Variants in TYMP observed in about 807,000 individuals in gnomAD.
TYMP encodes the protein gliostatin.
In TYMP, 46 loss-of-function variants were observed where a neutral mutation model predicts 42.3. The ratio of observed to expected loss-of-function variants is 1.09; its 90% CI spans 0.86 to 1.39. The LOEUF is 1.39. Ranked by LOEUF, TYMP falls within the 40% of genes most tolerant of loss-of-function variation. The pLI, the probability that TYMP is intolerant of heterozygous loss-of-function variation, is 0.00. For synonymous variants in TYMP, 363 were observed against 308.0 expected (o/e 1.18, Z -1.87); for missense variants, 837 against 677.6 (o/e 1.24, Z -2.61).
In TYMP at chr22:50,526,742, C is replaced by G; in HGVS notation, c.766-4G>C. On this transcript the variant is annotated splice_polypyrimidine_tract_variant and splice_region_variant and intron_variant, in intron 6 of 9. Coordinates refer to ENST00000252029, the MANE Select transcript of TYMP (RefSeq NM_001953.5). ...CTAGGCTGGCTCCCACGCCAACCTG[C>G]GGAGAGGAGGCTCAGCGTGGACCCC... is the stretch of plus-strand genomic sequence containing the variant. 1 of 1,535,104 alleles carries G rather than the reference C, an allele frequency of 6.5e-7. No individual in the cohort carries two copies. Among genetic ancestry groups the G allele is most frequent in the Non-Finnish European group, 8.7e-7 (1 of 1,146,254 alleles).
intron 4 of TYMP, 102 bp from the exon 5 acceptor site, chr22:50,527,819 G>C (rs1422367505): frequency 6.7e-7 from 1 of 1,492,192 alleles, no homozygotes; most frequent in African/African-American, 1.4e-5. Context: ...CTGTTGCCCA[G>C]GCTGGAGTGC....
chr22:50,527,537 G>C, intron 5 of TYMP, 51 bp downstream of exon 5: 5 of 1,613,610 alleles, frequency 3.1e-6, no homozygotes, highest in Non-Finnish European at 4.2e-6. Flanking sequence ...ACTTGAGTTT[G>C]GAGGTCAGGA....
rs760529157 is a variant in TYMP at position 50,529,508 on chromosome 22, C to T, written c.202G>A (p.Gly68Ser). ...VAAVVNGSAQ[G>S]AQIGAMLMAI... ...CCTCCCCACGCACCGATCTGTGCGCCCTGCGCGCTCCCATTCACCACAGCG... is the reference window on the plus strand; with the variant it reads ...CCTCCCCACGCACCGATCTGTGCGCTCTGCGCGCTCCCATTCACCACAGCG... The change falls in exon 2 of 10, where the codon GGC becomes AGC. Residue 68 changes from glycine to serine, a missense_variant. Physicochemically the swap from Gly to Ser is moderately conservative, Grantham distance 56. Transcript: ENST00000252029. 13 of 1,612,860 alleles carry T rather than the reference C, an allele frequency of 8.1e-6. No homozygotes were observed. In the Middle Eastern group the frequency reaches 1.3e-3, roughly 164 times the overall value.
intron 6 of TYMP, 93 bp from the exon 7 acceptor site, chr22:50,526,831 G>T: frequency 7.5e-7 from 1 of 1,337,954 alleles, no homozygotes; most frequent in Non-Finnish European, 1.0e-6. Flanking sequence ...ACCCTGGGTT[G>T]CCAGCCCCCC....
At position 50,525,838 on chromosome 22, in the gene TYMP, G is replaced by A. The variant is rs759980987; in HGVS notation, c.1381C>T (p.Leu461Phe). The part of the protein sequence containing the change: ...QSRALQEALV[L>F]SDRAPFAAPS... ...GCGGCGAATGGCGCGCGGTCGGAGA[G>A]TACGAGCGCCTCCTGCAGGGCGCGG... The change falls in exon 10 of 10, where the codon CTC (leucine) becomes TTC (phenylalanine). Residue 461 changes from leucine (L) to phenylalanine (F), a missense_variant. Coordinates refer to ENST00000252029, the MANE Select transcript of TYMP (RefSeq NM_001953.5). 2 of 1,608,266 alleles carry A rather than the reference G, an allele frequency of 1.2e-6. No individual in the cohort carries two copies. Among genetic ancestry groups the A allele is most frequent in the African/African-American group, 2.7e-5 (2 of 74,872 alleles).
At chr22:50,528,668 C>A in intron 3 of TYMP, 58 bp from the exon 4 acceptor site, 1 of 1,333,370 alleles carries the variant, frequency 7.5e-7, no homozygotes, top group Non-Finnish European at 1.1e-6. Flanking sequence ...CTCTGTGCAT[C>A]CCTTCACCTT....
Position 50,526,470 on chromosome 22 carries a change from G to T in TYMP, c.935C>A (p.Ala312Asp). The change falls in exon 8 of 10, where the codon GCC becomes GAC. Residue 312 changes from alanine to aspartate, a missense_variant. Transcript: ENST00000252029. ...CGCGTGTCCGCTGAGCCAGAGCAGG[G>T]CGCCCCCTGCGGGCGGGGACGGGTC... ...LRDLVTTLGGALLWLSGHAGT... is the reference protein window; with the variant it reads ...LRDLVTTLGGDLLWLSGHAGT... 2.7e-6 allele frequency: 4 copies of T among 1,491,286 alleles called. No individual in the cohort carries two copies. Among genetic ancestry groups the T allele is most frequent in the Non-Finnish European group, 3.5e-6 (4 of 1,129,020 alleles). The allele number at this position is 1,491,286 out of a possible 1,614,324, so 92.4% of individuals were successfully genotyped here. A position where few individuals can be genotyped will look rare whatever the true frequency, so the allele number is the denominator to read the frequency against.
chr22:50,527,117 C>T (rs751782980), intron 6 of TYMP, 48 bp downstream of exon 6: 7 of 1,478,228 alleles, frequency 4.7e-6, no homozygotes, highest in South Asian at 4.5e-5. Flanking sequence ...GAAGGGTAGG[C>T]TGGGCCCGCA....
intron 6 of TYMP, among the ~76,000 whole-genome samples, 180 bp from the exon 7 acceptor site, chr22:50,526,918 AACTTGT>A (rs1218106175): frequency 6.6e-6 from 1 of 152,172 alleles, no homozygotes; most frequent in Non-Finnish European, 1.5e-5. Context: ...GGCCAGGAGG[AACTTGT>A]ACTTGGTCTG....
In TYMP at chr22:50,526,296, T is replaced by C. The variant is rs1276418601; in HGVS notation, c.1109A>G (p.Gln370Arg). ...CTGCTCCCGGGCGCGAGGCAGCAGCTGCCGGCGTTCTGCGGGACTTCCCGA... is the reference window on the plus strand; with the variant it reads ...CTGCTCCCGGGCGCGAGGCAGCAGCCGCCGGCGTTCTGCGGGACTTCCCGA... ...LCSGSPAERR[Q>R]LLPRAREQEE... Residue 370 changes from glutamine (Q) to arginine (R), a missense_variant, in exon 8 of 10, where the codon CAG becomes CGG. Physicochemically the swap from Gln to Arg is conservative, Grantham distance 43. Transcript: ENST00000252029. The C allele has an allele frequency of 6.4e-7, 1 of 1,554,910 alleles. No individual in the cohort carries two copies. Among genetic ancestry groups the C allele is most frequent in the Non-Finnish European group, 8.6e-7 (1 of 1,160,914 alleles).
In TYMP at chr22:50,527,184, C is replaced by T. The variant is rs1479566289; in HGVS notation, c.746G>A (p.Arg249Gln). 1.9e-6 allele frequency: 3 copies of T among 1,612,992 alleles called. No individual in the cohort carries two copies. The highest frequency in any genetic ancestry group is 1.3e-5 in the African/African-American group (1 of 74,922). The change falls in exon 6 of 10, where the codon CGG (arginine) becomes CAG (glutamine). Residue 249 changes from arginine to glutamine, a missense_variant. Arg to Gln is a conservative substitution (Grantham distance 43). Coordinates refer to ENST00000252029, the MANE Select transcript of TYMP (RefSeq NM_001953.5). Reference sequence around the variant, plus strand: ...GCTCACCAGCGTCTTTGCCAGCTCCCGGGCCTGCTCCTGGTTGGGGAAGAC... The same window carrying T: ...GCTCACCAGCGTCTTTGCCAGCTCCTGGGCCTGCTCCTGGTTGGGGAAGAC... The part of the protein sequence containing the change: ...AAVFPNQEQA[R>Q]ELAKTLVGVG...
intron 4 of TYMP, chr22:50,527,949 CTTCT>C (rs2069457796): frequency 5.5e-6 from 3 of 542,992 alleles, no homozygotes; most frequent in Admixed American, 3.4e-5. Flanking sequence ...TTTTTTTTTT[CTTCT>C]TTTTTTTGTA....
In TYMP at chr22:50,525,838, G is replaced by C. The variant is rs759980987; in HGVS notation, c.1381C>G (p.Leu461Val). ...GCGGCGAATGGCGCGCGGTCGGAGA[G>C]TACGAGCGCCTCCTGCAGGGCGCGG... ...QSRALQEALV[L>V]SDRAPFAAPS... The change falls in exon 10 of 10, where the codon CTC becomes GTC. Residue 461 changes from leucine to valine, a missense_variant. Physicochemically the swap from Leu to Val is conservative, Grantham distance 32. Coordinates refer to ENST00000252029, the MANE Select transcript of TYMP (RefSeq NM_001953.5). 1.6e-5 allele frequency: 25 copies of C among 1,608,266 alleles called. No homozygotes were observed. The East Asian group carries it at 4.7e-4, about 30-fold the overall frequency.
At position 50,529,705 on chromosome 22, in the gene TYMP, G is replaced by T; in HGVS notation, c.5C>A (p.Ala2Glu). 6.2e-7 allele frequency: 1 copy of T among 1,609,978 alleles called. No individual in the cohort carries two copies. Residue 2 changes from alanine to glutamate, a missense_variant, in exon 2 of 10, where the codon GCA (alanine) becomes GAA (glutamate). By Grantham distance (107) the Ala-to-Glu change is moderately radical. Coordinates refer to ENST00000252029, the MANE Select transcript of TYMP (RefSeq NM_001953.5). M[A>E]ALMTPGTGAP... ...CCCGGTTCCCGGGGTCATCAAGGCT[G>T]CCATCGCTCCGGGCCTGCGGGGATG...
At position 50,525,902 on chromosome 22, in the gene TYMP, G is replaced by A. The variant is rs1484045339; in HGVS notation, c.1317C>T (p.Arg439=). 1 of 1,554,320 alleles carries A rather than the reference G, an allele frequency of 6.4e-7. No homozygotes were observed. The highest frequency in any genetic ancestry group is 8.7e-7 in the Non-Finnish European group (1 of 1,151,986). The change falls in exon 10 of 10, where the codon CGC becomes CGT. Residue 439 remains arginine, a synonymous_variant. Coordinates refer to ENST00000252029, the MANE Select transcript of TYMP (RefSeq NM_001953.5). ...TGAGCGCGGGGCCGTCCCGGTGCAC[G>A]CGGAGCCAGGGGGTCCCTGCAGAGC... is the stretch of plus-strand genomic sequence containing the variant. ...QRLRRGTPWL[R]VHRDGPALSG...
chr22:50,529,475 C>T lies in TYMP; in HGVS notation c.214+21G>A, dbSNP rs750960286. The T allele has an allele frequency of 3.7e-6, 6 of 1,611,278 alleles. No homozygotes were observed. The East Asian group carries it at 6.7e-5, about 18-fold the overall frequency. ...CTGACCTCCCAGTCGGGGTCAGGAA[C>T]GCCCAACCCTCCCCACGCACCGATC... On this transcript the variant is annotated intron_variant, in intron 2 of 9. Transcript: ENST00000252029.
rs533787409 is a variant in TYMP at position 50,528,455 on chromosome 22, C to G, written c.516+57G>C. ...ATCCACCAGTGATCTTTTAGTGATTCTGGCCAGGGTCTCCATCATCAACCT... is the reference window on the plus strand; with the variant it reads ...ATCCACCAGTGATCTTTTAGTGATTGTGGCCAGGGTCTCCATCATCAACCT... On this transcript the variant is annotated intron_variant, in intron 4 of 9. Coordinates refer to ENST00000252029, the MANE Select transcript of TYMP (RefSeq NM_001953.5). 26 of 1,436,144 alleles carry G rather than the reference C, an allele frequency of 1.8e-5. No homozygotes were observed. In the East Asian group the frequency reaches 2.1e-4, roughly 11 times the overall value. 89.0% of individuals were successfully genotyped at this position (1,436,144 alleles called of 1,614,324 possible). A position where few individuals can be genotyped will look rare whatever the true frequency, so the allele number is the denominator to read the frequency against.
chr22:50,529,513 G>A lies in TYMP; in HGVS notation c.197C>T (p.Ala66Val), dbSNP rs2069514092. The change falls in exon 2 of 10, where the codon GCG (alanine) becomes GTG (valine). Residue 66 changes from alanine to valine, a missense_variant. Transcript: ENST00000252029. ...CCACGCACCGATCTGTGCGCCCTGC[G>A]CGCTCCCATTCACCACAGCGGCCAC... ...GFVAAVVNGS[A>V]QGAQIGAMLM... 3 of 1,612,758 alleles carry A rather than the reference G, an allele frequency of 1.9e-6. No homozygotes were observed. Among genetic ancestry groups the A allele is most frequent in the African/African-American group, 2.7e-5 (2 of 74,950 alleles).
Position 50,529,687 on chromosome 22 carries a change from C to G in TYMP, c.23G>C (p.Gly8Ala). ...ACCAGGCGCGGGTGGGGCCCCGGTT[C>G]CCGGGGTCATCAAGGCTGCCATCGC... is the stretch of plus-strand genomic sequence containing the variant. MAALMTP[G>A]TGAPPAPGDF... Residue 8 changes from glycine to alanine, a missense_variant, in exon 2 of 10, where the codon GGA becomes GCA. Physicochemically the swap from Gly to Ala is moderately conservative, Grantham distance 60. Coordinates refer to ENST00000252029, the MANE Select transcript of TYMP (RefSeq NM_001953.5). 6.2e-7 allele frequency: 1 copy of G among 1,611,236 alleles called. No homozygotes were observed. The highest frequency in any genetic ancestry group is 8.5e-7 in the Non-Finnish European group (1 of 1,179,374).
Sources: allele counts gnomAD v4.1 joint callset (sites outside exome capture counted in the v4.1 genomes callset), GRCh38; gene constraint gnomAD v4.1.1; transcripts MANE v1.5; gene names NCBI Gene and HGNC (gene_info 2026-07-23, HGNC 2026-07-21).